The following MNAT1 variants were observed in gnomAD, a reference collection of about 807,000 sequenced individuals.
MNAT1 encodes the protein MNAT1 component of CDK activating kinase, also known as CDK-activating kinase assembly factor MAT1.
A neutral mutation model predicts 42.0 loss-of-function variants in MNAT1; 43 were observed. The observed-to-expected ratio is 1.02, with a 90% CI of 0.80 to 1.32. The LOEUF (loss-of-function observed/expected upper bound fraction) is 1.32. Ranked by LOEUF, MNAT1 falls within the 40% of genes most tolerant of loss-of-function variation. The probability of loss-of-function intolerance (pLI) is 0.00; values close to 1 mark genes in which losing one functional copy is unlikely to be tolerated. For missense variants in MNAT1, 306 were observed against 350.4 expected (o/e 0.87, Z 1.01); for synonymous variants, 118 against 120.0 (o/e 0.98, Z 0.11).
At chr14:60,825,051 T>C (rs1387057667) in intron 6 of MNAT1, among the ~76,000 whole-genome samples, 1 of 152,134 alleles carries the variant, frequency 6.6e-6, no homozygotes, top group Non-Finnish European at 1.5e-5. Flanking sequence ...TGACAAAAGT[T>C]ATTTACAACA....
At chr14:60,769,699 G>A (rs139597545) in intron 1 of MNAT1, among the ~76,000 whole-genome samples, 6 of 152,182 alleles carry the variant, frequency 3.9e-5, no homozygotes, top group African/African-American at 1.4e-4. Flanking sequence ...TCCGTTGCCC[G>A]ACTGGAGTGC....
chr14:60,914,273 C>T (rs900833455), intron 7 of MNAT1, among the ~76,000 whole-genome samples: 22 of 152,344 alleles, frequency 1.4e-4, no homozygotes, highest in Admixed American at 3.3e-4. Context: ...TTGCGCTTCC[C>T]GGGTGAGGCG....
intron 7 of MNAT1, among the ~76,000 whole-genome samples, chr14:60,939,126 C>G (rs528954991): frequency 5.3e-5 from 8 of 152,022 alleles, no homozygotes; most frequent in South Asian, 4.2e-4. Context: ...TCTCTCTTTT[C>G]TTCTTTATTA....
intron 7 of MNAT1, among the ~76,000 whole-genome samples, chr14:60,929,013 C>T (rs765597551): frequency 1.8e-4 from 27 of 150,262 alleles, no homozygotes; most frequent in Admixed American, 2.6e-4. Flanking sequence ...CCAGTGTGGT[C>T]GCATGTGCCT....
At chr14:60,960,066 T>C (rs1435904429) in intron 7 of MNAT1, among the ~76,000 whole-genome samples, 1 of 152,212 alleles carries the variant, frequency 6.6e-6, no homozygotes. Flanking sequence ...AATGGACATT[T>C]GGTTGTTTCT....
chr14:60,769,694 T>G (rs1017771070), intron 1 of MNAT1, among the ~76,000 whole-genome samples: 1 of 152,186 alleles, frequency 6.6e-6, no homozygotes, highest in African/African-American at 2.4e-5. Context: ...CTTACTCCGT[T>G]GCCCGACTGG....
chr14:60,876,668 A>G (rs1323758280), intron 6 of MNAT1, among the ~76,000 whole-genome samples: 3 of 152,022 alleles, frequency 2.0e-5, no homozygotes, highest in Non-Finnish European at 4.4e-5. Flanking sequence ...TAGTGGAGTC[A>G]TATACTTTTT....
At chr14:60,852,339 A>G (rs2033845056) in intron 6 of MNAT1, among the ~76,000 whole-genome samples, 1 of 152,070 alleles carries the variant, frequency 6.6e-6, no homozygotes, top group Admixed American at 6.5e-5. Context: ...TGTTTTGAGA[A>G]GTGTCTTTCA....
At chr14:60,760,373 A>G (rs537981319) in intron 1 of MNAT1, among the ~76,000 whole-genome samples, 2 of 152,160 alleles carry the variant, frequency 1.3e-5, no homozygotes, top group African/African-American at 4.8e-5. Flanking sequence ...AACAGTGTAC[A>G]AAAGTGCCTT....
chr14:60,816,614 A>G (rs2032723537), intron 5 of MNAT1, among the ~76,000 whole-genome samples: 1 of 152,122 alleles, frequency 6.6e-6, no homozygotes, highest in Non-Finnish European at 1.5e-5. Context: ...CAATTAATAC[A>G]GGTTAGGGAA....
chr14:60,819,279 T>A (rs1594776846), intron 6 of MNAT1, among the ~76,000 whole-genome samples: 1 of 152,036 alleles, frequency 6.6e-6, no homozygotes, highest in South Asian at 2.1e-4. Context: ...ATAGATTAAT[T>A]TGGGTTTCAA....
chr14:60,775,138 C>G (rs916811758), intron 1 of MNAT1, among the ~76,000 whole-genome samples: 2 of 152,082 alleles, frequency 1.3e-5, no homozygotes, highest in Non-Finnish European at 2.9e-5. Context: ...GAAAAAGAAA[C>G]AGAGAAAGAG....
At chr14:60,841,303 A>G (rs2033545873) in intron 6 of MNAT1, among the ~76,000 whole-genome samples, 1 of 151,738 alleles carries the variant, frequency 6.6e-6, no homozygotes. Context: ...GGCTGCTATT[A>G]TTAAGCCTTC....
chr14:60,834,191 A>G (rs2033308671), intron 6 of MNAT1, among the ~76,000 whole-genome samples: 2 of 151,626 alleles, frequency 1.3e-5, no homozygotes, highest in South Asian at 4.2e-4. Flanking sequence ...CTCTGATCTT[A>G]GTTATTTGCT....
chr14:60,901,378 T>C (rs1404003796), intron 7 of MNAT1, among the ~76,000 whole-genome samples: 1 of 152,208 alleles, frequency 6.6e-6, no homozygotes, highest in African/African-American at 2.4e-5. Context: ...TGCAAGGAAA[T>C]GGATATTGTT....
In MNAT1 at chr14:60,872,534, TC is replaced by T. The variant is rs749427076; in HGVS notation, c.688-7173del. On this transcript the variant is annotated intron_variant, in intron 6 of 7. Coordinates refer to ENST00000261245, the MANE Select transcript of MNAT1 (RefSeq NM_002431.4). ...TTATAATTATTATTCTTTTTTCTCTTCCCCCCCATTATTACTCAGATCTAGA... is the reference window on the plus strand; with the variant it reads ...TTATAATTATTATTCTTTTTTCTCTTCCCCCCATTATTACTCAGATCTAGA... Among the ~76,000 whole-genome samples the T allele has an allele frequency of 2.2e-3, 337 of 151,734 alleles. 2 individuals carry two copies. Among genetic ancestry groups the T allele is most frequent in the Non-Finnish European group, 1.7e-3 (114 of 67,916 alleles).
rs546802742 is a variant in MNAT1 at position 60,743,837 on chromosome 14, C to G, written c.89+8886C>G. Among the ~76,000 whole-genome samples, 11 of 152,224 alleles carry G rather than the reference C, an allele frequency of 7.2e-5. No individual in the cohort carries two copies. The South Asian group carries it at 2.3e-3, about 32-fold the overall frequency. On this transcript the variant is annotated intron_variant, in intron 1 of 7. Transcript: ENST00000261245. ...GATTATATATTTTCTATTGATCTAT[C>G]TTCAGGTTCACTGTTGCCTGTCTGC...
chr14:60,925,658 A>G (rs2035751159), intron 7 of MNAT1, among the ~76,000 whole-genome samples: 1 of 152,164 alleles, frequency 6.6e-6, no homozygotes. Context: ...TTTCTTATAA[A>G]ACCTATATTT....
intron 1 of MNAT1, among the ~76,000 whole-genome samples, chr14:60,794,232 C>G (rs185595687): frequency 6.6e-6 from 1 of 152,216 alleles, no homozygotes; most frequent in East Asian, 1.9e-4. Flanking sequence ...TTAATTTCCT[C>G]TAACCACAAA....
Sources: gnomAD v4.1 joint callset for allele counts (sites outside exome capture counted in the v4.1 genomes callset) on GRCh38, gnomAD v4.1.1 for gene constraint, MANE v1.5 for transcripts, NCBI Gene and HGNC (gene_info 2026-07-23, HGNC 2026-07-21) for gene names.